Variants in RYK observed in about 807,000 individuals in gnomAD.
RYK encodes inactive tyrosine-protein kinase RYK.
A neutral mutation model predicts 70.2 loss-of-function variants in RYK; 21 were observed. That is an observed-to-expected ratio of 0.30 (90% CI 0.21 to 0.43). RYK has a LOEUF of 0.43. Ranked by LOEUF, RYK falls within the 20% of genes least tolerant of loss-of-function variation. The pLI, the probability that RYK is intolerant of heterozygous loss-of-function variation, is 1.00. For synonymous variants in RYK, 267 were observed against 278.0 expected, an observed-to-expected ratio of 0.96 and a Z score of 0.39; for missense variants, 604 against 753.3, an observed-to-expected ratio of 0.80 and a Z score of 2.32.
rs142397642 is a variant in RYK, at chr3:134,240,930, G to A, written c.232+9493C>T. ...CATTCATTTTATGATTTCCCTGCAAGGGCATTACTACACAGCTATTGCTGT... is the reference window on the plus strand; with the variant it reads ...CATTCATTTTATGATTTCCCTGCAAAGGCATTACTACACAGCTATTGCTGT... On this transcript the variant is annotated intron_variant, in intron 1 of 14. Coordinates refer to ENST00000623711, the MANE Select transcript of RYK (RefSeq NM_002958.4). Among the ~76,000 whole-genome samples, 271 of 152,298 alleles carry A rather than the reference G, an allele frequency of 1.8e-3. 1 individual carries two copies. Among genetic ancestry groups the A allele is most frequent in the African/African-American group, 6.2e-3 (256 of 41,562 alleles).
At chr3:134,237,209 A>C (rs73861348) in intron 1 of RYK, among the ~76,000 whole-genome samples, 2 of 152,102 alleles carry the variant, frequency 1.3e-5, no homozygotes, top group South Asian at 2.1e-4. Context: ...CAGTTCAAAA[A>C]TTTTTTCCAA....
rs368131385 is a variant in RYK, at chr3:134,160,534, G to A, written c.1576-1161C>T. Among the ~76,000 whole-genome samples, 139 of 152,108 alleles carry A rather than the reference G, an allele frequency of 9.1e-4. 1 individual carries two copies. Among genetic ancestry groups the A allele is most frequent in the African/African-American group, 3.3e-3 (135 of 41,500 alleles). On this transcript the variant is annotated intron_variant, in intron 13 of 14. Transcript: ENST00000623711. ...TGAACAATAGCTACATTTCCCCCCA[G>A]AATCTATGCAAACAAGAAAACAATG...
At chr3:134,171,828 C>T (rs1258779284) in intron 13 of RYK, among the ~76,000 whole-genome samples, 24 of 151,894 alleles carry the variant, frequency 1.6e-4, no homozygotes, top group Non-Finnish European at 8.8e-5. Flanking sequence ...GACTGTACCA[C>T]TGCACTCCCA....
chr3:134,176,128 T>C (rs1560003660), intron 11 of RYK, 89 bp from the exon 12 acceptor site: 7 of 784,182 alleles, frequency 8.9e-6, no homozygotes, highest in Non-Finnish European at 1.5e-5. Context: ...TCCTACTCCA[T>C]CCAAAAATAC....
At chr3:134,224,338 G>A (rs759027103) in intron 1 of RYK, among the ~76,000 whole-genome samples, 3 of 152,066 alleles carry the variant, frequency 2.0e-5, no homozygotes, top group Non-Finnish European at 4.4e-5. Flanking sequence ...CTGAGGTGGA[G>A]AGAGAGAGGG....
chr3:134,199,731 T>C (rs1259961389), intron 6 of RYK, among the ~76,000 whole-genome samples: 1 of 152,090 alleles, frequency 6.6e-6, no homozygotes, highest in African/African-American at 2.4e-5. Context: ...TAATTGTTAA[T>C]AGGACAGGAA....
chr3:134,166,242 C>G (rs1355352837), intron 13 of RYK, among the ~76,000 whole-genome samples: 1 of 152,144 alleles, frequency 6.6e-6, no homozygotes, highest in Admixed American at 6.5e-5. Flanking sequence ...AAGAGACCAC[C>G]AGAGAGCTCC....
At chr3:134,193,332 A>T (rs1002947023) in intron 7 of RYK, among the ~76,000 whole-genome samples, 8 of 151,890 alleles carry the variant, frequency 5.3e-5, no homozygotes, top group Middle Eastern at 3.2e-3. Context: ...TACAGGCGCG[A>T]GCCACCACAC....
chr3:134,242,771 G>C (rs1013666858), intron 1 of RYK, among the ~76,000 whole-genome samples: 2 of 152,144 alleles, frequency 1.3e-5, no homozygotes, highest in Admixed American at 1.3e-4. Context: ...AGCACCTTTG[G>C]AATTGACCAG....
intron 1 of RYK, among the ~76,000 whole-genome samples, chr3:134,241,024 C>T (rs1289740704): frequency 6.6e-6 from 1 of 151,644 alleles, no homozygotes; most frequent in African/African-American, 2.4e-5. Flanking sequence ...TGCATATGCA[C>T]ATAAAAAAGG....
chr3:134,175,968 C>A lies in RYK; in HGVS notation c.1377G>T (p.Arg459Ser). Residue 459 changes from arginine to serine, a missense_variant, in exon 12 of 15, where the codon AGG becomes AGT. This residue lies in a region of RYK where 138 missense variants were observed against 217.4 expected (regional missense o/e 0.63). Coordinates refer to ENST00000623711, the MANE Select transcript of RYK (RefSeq NM_002958.4). ...IACGMSYLAR[R>S]EVIHKDLAAR... Reference sequence around the variant, plus strand: ...CAGCCAGGTCTTTGTGGATGACTTCCCTTCTGGCCAGGTAGCTCATTCCAC... The same window carrying A: ...CAGCCAGGTCTTTGTGGATGACTTCACTTCTGGCCAGGTAGCTCATTCCAC... 1 of 1,610,090 alleles carries A rather than the reference C, an allele frequency of 6.2e-7. No homozygotes were observed. The highest frequency in any genetic ancestry group is 1.1e-5 in the South Asian group (1 of 89,914).
At chr3:134,228,281 A>G (rs1236093832) in intron 1 of RYK, among the ~76,000 whole-genome samples, 1 of 151,656 alleles carries the variant, frequency 6.6e-6, no homozygotes, top group African/African-American at 2.4e-5. Flanking sequence ...ATAGAACAAG[A>G]CTCTGTGTGT....
In RYK at chr3:134,223,955, G is replaced by A. The variant is rs189916594; in HGVS notation, c.233-1416C>T. On this transcript the variant is annotated intron_variant, in intron 1 of 14. Transcript: ENST00000623711. Reference sequence around the variant, plus strand: ...TTTATCCTGTAAAATTAGTTTTCTCGTTTCTGAACTAGGTGTAATAAAATC... The same window carrying A: ...TTTATCCTGTAAAATTAGTTTTCTCATTTCTGAACTAGGTGTAATAAAATC... Among the ~76,000 whole-genome samples, 94 of 152,224 alleles carry A rather than the reference G, an allele frequency of 6.2e-4. 1 individual carries two copies. In the East Asian group the frequency reaches 6.8e-3, roughly 11 times the overall value.
At position 134,172,745 on chromosome 3, in the gene RYK, A is replaced by G. The variant is rs919760905; in HGVS notation, c.1575+2864T>C. On this transcript the variant is annotated intron_variant, in intron 13 of 14. Transcript: ENST00000623711. ...TACTTGGTATGTTTAACTTCTAGAC[A>G]TTAATGCTAGAGAGAGATTTTTTCT... Among the ~76,000 whole-genome samples, 3 of 152,250 alleles carry G rather than the reference A, an allele frequency of 2.0e-5. No individual in the cohort carries two copies. The East Asian group carries it at 5.8e-4, about 29-fold the overall frequency.
At position 134,189,753 on chromosome 3, in the gene RYK, A is replaced by C. The variant is rs1275631642; in HGVS notation, c.1016-830T>G. 4.0e-5 allele frequency among the ~76,000 whole-genome samples: 6 copies of C among 151,450 alleles called. 1 individual carries two copies. The highest frequency in any genetic ancestry group is 4.2e-4 in the South Asian group (2 of 4,812). On this transcript the variant is annotated intron_variant, in intron 8 of 14. Coordinates refer to ENST00000623711, the MANE Select transcript of RYK (RefSeq NM_002958.4). ...ACGAGACTCCGCCAAAAAAAAAAAA[A>C]AAAAAAACAAAAAACAAAAACTCTT... is the stretch of plus-strand genomic sequence containing the variant.
At chr3:134,239,464 A>G (rs1398579262) in intron 1 of RYK, among the ~76,000 whole-genome samples, 4 of 152,164 alleles carry the variant, frequency 2.6e-5, no homozygotes, top group African/African-American at 9.7e-5. Context: ...CCTGTCTCAA[A>G]AAGGGGGAAA....
chr3:134,229,294 TTCTCTCTCTC>T (rs34305748), intron 1 of RYK, among the ~76,000 whole-genome samples: 29 of 143,890 alleles, frequency 2.0e-4, no homozygotes, highest in Non-Finnish European at 3.3e-4. Context: ...CTCTACTGCC[TTCTCTCTCTC>T]TCTCTCTCTC....
chr3:134,164,735 T>C (rs546276929), intron 13 of RYK, among the ~76,000 whole-genome samples: 3 of 152,388 alleles, frequency 2.0e-5, no homozygotes, highest in Admixed American at 6.5e-5. Context: ...GGTAAGAACA[T>C]GTTTTCATTT....
At chr3:134,243,449 G>C (rs2015375421) in intron 1 of RYK, among the ~76,000 whole-genome samples, 1 of 152,134 alleles carries the variant, frequency 6.6e-6, no homozygotes, top group South Asian at 2.1e-4. Context: ...CTATAACCCA[G>C]ACCTGACTGC....
Sources: gnomAD v4.1 joint callset for allele counts (sites outside exome capture counted in the v4.1 genomes callset) on GRCh38, gnomAD v4.1.1 for gene constraint, gnomAD v4.1.1 regional missense constraint, MANE v1.5 for transcripts, NCBI Gene and HGNC (gene_info 2026-07-23, HGNC 2026-07-21) for gene names.